MBD5: variants seen among roughly 807,000 people sequenced by gnomAD.
MBD5 encodes the protein methyl-CpG-binding domain protein 5.
A neutral mutation model predicts 117.3 loss-of-function variants in MBD5; 13 were observed. That is an observed-to-expected ratio of 0.11 (90% CI 0.07 to 0.18). The LOEUF is 0.18. MBD5 is among the 10% of genes least tolerant of loss of function. MBD5 has a pLI of 1.00. For missense variants in MBD5, 1,879 were observed against 2,093.8 expected (o/e 0.90, Z 2.00); for synonymous variants, 727 against 766.4 (o/e 0.95, Z 0.85).
chr2:148,383,353 T>C lies in MBD5; in HGVS notation c.-557+41017T>C, dbSNP rs545919324. The stretch of plus-strand genomic sequence containing the variant: ...TTCTACGCAAATAAACTAGAAAATC[T>C]AGAAGAAATGGATAAATTCCTTGAC... On this transcript the variant is annotated intron_variant, in intron 4 of 13. Transcript: ENST00000642680. 2.6e-5 allele frequency among the ~76,000 whole-genome samples: 4 copies of C among 152,248 alleles called. No homozygotes were observed. In the South Asian group the frequency reaches 8.3e-4, roughly 32 times the overall value.
chr2:148,385,012 A>G (rs191186125), intron 4 of MBD5, among the ~76,000 whole-genome samples: 6 of 152,378 alleles, frequency 3.9e-5, no homozygotes, highest in African/African-American at 9.6e-5. Flanking sequence ...CAAAAACCCT[A>G]GAAGAAAACC....
chr2:148,047,638 A>G (rs1190744142), intron 1 of MBD5, among the ~76,000 whole-genome samples: 1 of 152,226 alleles, frequency 6.6e-6, no homozygotes, highest in Non-Finnish European at 1.5e-5. Context: ...GAAGAAATTT[A>G]GAGTGACTAG....
intron 1 of MBD5, among the ~76,000 whole-genome samples, chr2:148,150,493 T>C (rs1043361911): frequency 2.0e-5 from 3 of 152,210 alleles, no homozygotes; most frequent in African/African-American, 7.2e-5. Flanking sequence ...CATTGGTAGC[T>C]TGATGGGGAT....
intron 1 of MBD5, among the ~76,000 whole-genome samples, chr2:148,030,378 T>C (rs1694005276): frequency 6.6e-6 from 1 of 152,020 alleles, no homozygotes; most frequent in South Asian, 2.1e-4. Flanking sequence ...CATGGAAAGA[T>C]CTCTAAGATA....
chr2:148,429,464 A>G (rs913106281), intron 4 of MBD5, among the ~76,000 whole-genome samples: 2 of 152,150 alleles, frequency 1.3e-5, no homozygotes, highest in African/African-American at 4.8e-5. Flanking sequence ...CAGAACTAGA[A>G]ATACCATTTC....
At chr2:148,072,136 C>G (rs968523190) in intron 1 of MBD5, 1 of 152,014 alleles carries the variant, frequency 6.6e-6, no homozygotes, top group African/African-American at 2.4e-5. Context: ...TAGGTTCTAC[C>G]CTGCTCATAC....
At chr2:148,195,094 T>C (rs895276169) in intron 2 of MBD5, among the ~76,000 whole-genome samples, 2 of 152,210 alleles carry the variant, frequency 1.3e-5, no homozygotes, top group African/African-American at 4.8e-5. Context: ...TAAAACTTTA[T>C]TTGCAAAATA....
intron 4 of MBD5, among the ~76,000 whole-genome samples, chr2:148,380,558 G>C (rs1391430840): frequency 2.0e-5 from 3 of 152,252 alleles, no homozygotes; most frequent in African/African-American, 7.2e-5. Context: ...AACTAAACAT[G>C]TAAAATTTAT....
intron 8 of MBD5, among the ~76,000 whole-genome samples, chr2:148,480,920 T>C (rs1388179978): frequency 2.0e-5 from 3 of 152,102 alleles, no homozygotes; most frequent in African/African-American, 7.2e-5. Flanking sequence ...GACAAATCCT[T>C]GCTATAGGGA....
At chr2:148,069,621 A>G (rs912968702) in intron 1 of MBD5, among the ~76,000 whole-genome samples, 10 of 152,066 alleles carry the variant, frequency 6.6e-5, no homozygotes, top group Non-Finnish European at 1.5e-5. Context: ...TTGTCTATAC[A>G]AGCCGCTGTT....
chr2:148,121,988 A>G (rs1374764973), intron 1 of MBD5, among the ~76,000 whole-genome samples: 1 of 152,166 alleles, frequency 6.6e-6, no homozygotes, highest in Non-Finnish European at 1.5e-5. Context: ...GTCAACTCTC[A>G]GTTTCAACAT....
intron 1 of MBD5, among the ~76,000 whole-genome samples, chr2:148,108,272 T>A (rs1006169154): frequency 1.3e-5 from 2 of 152,190 alleles, no homozygotes; most frequent in Non-Finnish European, 2.9e-5. Flanking sequence ...TAATTTACCA[T>A]GAGCAAATTA....
chr2:148,351,819 T>C (rs1174950133), intron 4 of MBD5, among the ~76,000 whole-genome samples: 1 of 152,086 alleles, frequency 6.6e-6, no homozygotes, highest in African/African-American at 2.4e-5. Context: ...GGGGTGTTTA[T>C]TGCTGCTTCT....
At chr2:148,439,085 A>G (rs1706239571) in intron 4 of MBD5, among the ~76,000 whole-genome samples, 1 of 152,212 alleles carries the variant, frequency 6.6e-6, no homozygotes, top group African/African-American at 2.4e-5. Flanking sequence ...ACAAGAACAA[A>G]GTAATAGTTC....
chr2:148,481,181 A>G (rs144061175), intron 8 of MBD5, among the ~76,000 whole-genome samples: 2 of 152,324 alleles, frequency 1.3e-5, no homozygotes, highest in African/African-American at 4.8e-5. Context: ...TGTATTATCT[A>G]TAATGATGAG....
At chr2:148,463,446 A>G (rs1311289642) in intron 6 of MBD5, among the ~76,000 whole-genome samples, 1 of 152,150 alleles carries the variant, frequency 6.6e-6, no homozygotes. Context: ...TTACACTGTT[A>G]GAACATCAGG....
chr2:148,457,970 T>A (rs979142579), intron 4 of MBD5, among the ~76,000 whole-genome samples: 6 of 152,136 alleles, frequency 3.9e-5, no homozygotes, highest in Non-Finnish European at 5.9e-5. Context: ...TAATTACGGG[T>A]CTGTCTCTAG....
chr2:148,067,721 C>T (rs1312081093), intron 1 of MBD5, among the ~76,000 whole-genome samples: 2 of 152,176 alleles, frequency 1.3e-5, no homozygotes, highest in South Asian at 2.1e-4. Context: ...TACCCTCAGC[C>T]CCATCCCCTA....
chr2:148,406,504 A>C (rs1344852051), intron 4 of MBD5, among the ~76,000 whole-genome samples: 1 of 152,194 alleles, frequency 6.6e-6, no homozygotes, highest in African/African-American at 2.4e-5. Flanking sequence ...CAACACAGCA[A>C]TAAGAGATAC....
Sources: allele counts gnomAD v4.1 joint callset (sites outside exome capture counted in the v4.1 genomes callset), GRCh38; gene constraint gnomAD v4.1.1; transcripts MANE v1.5; gene names NCBI Gene and HGNC (gene_info 2026-07-23, HGNC 2026-07-21).